The following CFAP53 variants were observed in gnomAD, a reference collection of about 807,000 sequenced individuals.
CFAP53 encodes the protein cilia and flagella associated protein 53.
In CFAP53, 62 loss-of-function variants were observed where a neutral mutation model predicts 59.7. The observed-to-expected ratio is 1.04, with a 90% CI of 0.85 to 1.28. The LOEUF is 1.28. Ranked by LOEUF, CFAP53 falls within the 50% of genes most tolerant of loss-of-function variation. The pLI, the probability that CFAP53 is intolerant of heterozygous loss-of-function variation, is 0.00. For synonymous variants in CFAP53, 218 were observed against 205.7 expected (o/e 1.06, Z -0.51); for missense variants, 629 against 615.6 (o/e 1.02, Z -0.23).
intron 6 of CFAP53, among the ~76,000 whole-genome samples, chr18:50,241,193 G>C (rs1205763302): frequency 6.6e-6 from 1 of 152,140 alleles, no homozygotes; most frequent in Admixed American, 6.5e-5. Context: ...ACCCTTACAA[G>C]AATAGCTTAA....
rs541990477 is a variant in CFAP53, at chr18:50,248,101, C to T, written c.996+2657G>A. Among the ~76,000 whole-genome samples, 15 of 139,980 alleles carry T rather than the reference C, an allele frequency of 1.1e-4. No individual in the cohort carries two copies. In the East Asian group the frequency reaches 2.6e-3, roughly 24 times the overall value. The allele number at this position is 139,980 out of a possible 152,430, so 91.8% of individuals were successfully genotyped here. ...TGCCACTGTACTCCAGCCTAAGTGA[C>T]AGAGTGAGATACTGGCTCAACAAAA... On this transcript the variant is annotated intron_variant, in intron 5 of 7. Transcript: ENST00000398545.
intron 6 of CFAP53, among the ~76,000 whole-genome samples, chr18:50,242,027 T>C (rs533112740): frequency 6.6e-6 from 1 of 152,288 alleles, no homozygotes; most frequent in East Asian, 1.9e-4. Context: ...AATGCATTCC[T>C]TCCACAGGGC....
rs369653334 is a variant in CFAP53 at position 50,262,018 on chromosome 18, T to C, written c.271A>G (p.Ile91Val). 3 of 1,613,296 alleles carry C rather than the reference T, an allele frequency of 1.9e-6. No individual in the cohort carries two copies. The highest frequency in any genetic ancestry group is 2.2e-5 in the East Asian group (1 of 44,854). ...ARIKDAVQGFIINIEERRNKL... is the reference protein window; with the variant it reads ...ARIKDAVQGFVINIEERRNKL... ...TTTCGTCTTTCTTCAATGTTAATGATAAACCCTTGCACAGCATCCTTGATT... is the reference window on the plus strand; with the variant it reads ...TTTCGTCTTTCTTCAATGTTAATGACAAACCCTTGCACAGCATCCTTGATT... Residue 91 changes from isoleucine (I) to valine (V), a missense_variant, in exon 2 of 8, where the codon ATC becomes GTC. Ile to Val is a conservative substitution (Grantham distance 29, BLOSUM62 3). Transcript: ENST00000398545.
At chr18:50,242,626 C>T (rs2033700934) in intron 6 of CFAP53, among the ~76,000 whole-genome samples, 1 of 152,208 alleles carries the variant, frequency 6.6e-6, no homozygotes, top group Admixed American at 6.5e-5. Context: ...GCCCCACCTT[C>T]TCACTCTTCA....
At position 50,261,078 on chromosome 18, in the gene CFAP53, T is replaced by G; in HGVS notation, c.459A>C (p.Leu153=). ...GATTTCATTACCTGAATTGCTGGTC[T>G]AGCTTTTCAGCCACAAAATCCTGCC... The part of the protein sequence containing the change: ...KERQDFVAEK[L]DQQFRERCEE... The change falls in exon 3 of 8, where the codon CTA becomes CTC. Residue 153 remains leucine (L), a synonymous_variant. Transcript: ENST00000398545. 6.3e-7 allele frequency: 1 copy of G among 1,598,090 alleles called. No individual in the cohort carries two copies. Among genetic ancestry groups the G allele is most frequent in the Non-Finnish European group, 8.5e-7 (1 of 1,176,294 alleles).
chr18:50,228,948 A>G (rs2033553573), intron 7 of CFAP53, among the ~76,000 whole-genome samples: 1 of 151,918 alleles, frequency 6.6e-6, no homozygotes, highest in African/African-American at 2.4e-5. Flanking sequence ...AAAAAATAAA[A>G]AACTAGCCAG....
intron 1 of CFAP53, among the ~76,000 whole-genome samples, chr18:50,264,381 T>C (rs1047284941): frequency 1.3e-5 from 2 of 152,264 alleles, no homozygotes; most frequent in African/African-American, 4.8e-5. Flanking sequence ...GGTTTGATTC[T>C]GGCCTCTGTC....
chr18:50,234,474 T>G (rs919897804), intron 7 of CFAP53, among the ~76,000 whole-genome samples: 1 of 152,214 alleles, frequency 6.6e-6, no homozygotes, highest in Non-Finnish European at 1.5e-5. Flanking sequence ...CAGCCACATT[T>G]GATCCCTGGG....
At chr18:50,266,281 G>A in intron 1 of CFAP53, 55 bp downstream of exon 1, 2 of 1,563,426 alleles carry the variant, frequency 1.3e-6, no homozygotes, top group Middle Eastern at 1.7e-4. Context: ...GCCAGGCCTG[G>A]AGTGCGGAGA....
intron 7 of CFAP53, among the ~76,000 whole-genome samples, chr18:50,237,100 T>C (rs2033641219): frequency 6.7e-6 from 1 of 148,722 alleles, no homozygotes; most frequent in African/African-American, 2.5e-5. Flanking sequence ...AGGTCAGGAG[T>C]TCAAGACCAG....
Position 50,243,008 on chromosome 18 carries a change from C to A in CFAP53, c.1105G>T (p.Ala369Ser), listed in dbSNP as rs375246405. The A allele has an allele frequency of 5.6e-5, 91 of 1,613,996 alleles. No individual in the cohort carries two copies. In the African/African-American group the frequency reaches 1.0e-3, roughly 18 times the overall value. ...TTGTCCTTCTCAGCCAACTTCTTTG[C>A]CTTGTCTTCCTCTAATATTCTGTCA... ...EFDRILEEDKAKKLAEKDKEL... is the reference protein window; with the variant it reads ...EFDRILEEDKSKKLAEKDKEL... Residue 369 changes from alanine to serine, a missense_variant, in exon 6 of 8, where the codon GCA becomes TCA. Physicochemically the swap from Ala to Ser is moderately conservative, Grantham distance 99. Transcript: ENST00000398545.
chr18:50,244,156 C>T (rs1353204504), intron 5 of CFAP53, among the ~76,000 whole-genome samples: 2 of 152,136 alleles, frequency 1.3e-5, no homozygotes, highest in African/African-American at 4.8e-5. Flanking sequence ...CATCCAATAC[C>T]AAGGTTGTAG....
intron 5 of CFAP53, among the ~76,000 whole-genome samples, chr18:50,248,731 G>A (rs2033769215): frequency 6.7e-6 from 1 of 149,916 alleles, no homozygotes; most frequent in African/African-American, 2.5e-5. Flanking sequence ...GTTACAGTGA[G>A]CCGAGACCAT....
At chr18:50,237,393 C>T (rs1395905800) in intron 7 of CFAP53, among the ~76,000 whole-genome samples, 1 of 89,280 alleles carries the variant, frequency 1.1e-5, no homozygotes, top group Non-Finnish European at 2.2e-5. Context: ...CATACACACA[C>T]ACACACACAC....
chr18:50,258,463 C>A (rs1326215269), intron 3 of CFAP53, among the ~76,000 whole-genome samples: 1 of 152,052 alleles, frequency 6.6e-6, no homozygotes, highest in Non-Finnish European at 1.5e-5. Context: ...CAAAATAGAT[C>A]CAAGACTTAA....
chr18:50,254,466 A>G (rs1228500102), intron 3 of CFAP53, among the ~76,000 whole-genome samples: 1 of 152,172 alleles, frequency 6.6e-6, no homozygotes, highest in East Asian at 1.9e-4. Context: ...ACAAAACAAA[A>G]CAAAACAATA....
intron 7 of CFAP53, among the ~76,000 whole-genome samples, chr18:50,230,540 C>A (rs1050267482): frequency 6.6e-6 from 1 of 152,182 alleles, no homozygotes; most frequent in African/African-American, 2.4e-5. Context: ...AAACACAAGT[C>A]AAATGTGTTC....
At chr18:50,243,360 G>T (rs111693183) in intron 5 of CFAP53, among the ~76,000 whole-genome samples, 1 of 152,192 alleles carries the variant, frequency 6.6e-6, no homozygotes, top group Non-Finnish European at 1.5e-5. Flanking sequence ...TGATGGACAC[G>T]TGGGGACTCA....
Position 50,251,732 on chromosome 18 carries a change from C to G in CFAP53, c.526G>C (p.Val176Leu). 6.2e-7 allele frequency: 1 copy of G among 1,614,236 alleles called. No homozygotes were observed. Among genetic ancestry groups the G allele is most frequent in the South Asian group, 1.1e-5 (1 of 91,086 alleles). ...VELLSIHQKK[V>L]CEERKAQIAF... ...ATCTGTGCTTTCCGCTCCTCACACA[C>G]CTTCTTCTGATGGATAGATAACAAT... Residue 176 changes from valine to leucine, a missense_variant, in exon 4 of 8, where the codon GTG becomes CTG. Physicochemically the swap from Val to Leu is conservative, Grantham distance 32 (BLOSUM62 1). Coordinates refer to ENST00000398545, the MANE Select transcript of CFAP53 (RefSeq NM_145020.5).
Sources: allele counts gnomAD v4.1 joint callset (sites outside exome capture counted in the v4.1 genomes callset), GRCh38; gene constraint gnomAD v4.1.1; transcripts MANE v1.5; gene names NCBI Gene and HGNC (gene_info 2026-07-23, HGNC 2026-07-21).